The following KCTD8 variants were observed in gnomAD, a reference collection of about 807,000 sequenced individuals.
KCTD8 encodes the protein BTB/POZ domain-containing protein KCTD8.
Under a neutral mutation model 31.5 loss-of-function variants are expected in KCTD8, and 27 were observed. The ratio of observed to expected loss-of-function variants is 0.86; its 90% CI spans 0.63 to 1.18. The LOEUF (loss-of-function observed/expected upper bound fraction) is 1.18, where lower values mean the gene tolerates loss of function less well. KCTD8 is among the 50% of genes most tolerant of loss of function. The pLI is 0.00. For synonymous variants in KCTD8, 290 were observed against 280.0 expected (o/e 1.04, Z -0.36); for missense variants, 658 against 647.7 (o/e 1.02, Z -0.17).
intron 1 of KCTD8, among the ~76,000 whole-genome samples, chr4:44,349,937 A>G (rs895082914): frequency 4.6e-5 from 7 of 152,188 alleles, no homozygotes; most frequent in Non-Finnish European, 8.8e-5. Context: ...TAGAGACCAG[A>G]GGAGAACACT....
chr4:44,341,732 G>A (rs1718902712), intron 1 of KCTD8, among the ~76,000 whole-genome samples: 1 of 152,140 alleles, frequency 6.6e-6, no homozygotes, highest in South Asian at 2.1e-4. Context: ...CTCCACTGAA[G>A]TTTTGAACCC....
At chr4:44,205,301 G>A (rs957424936) in intron 1 of KCTD8, among the ~76,000 whole-genome samples, 3 of 152,182 alleles carry the variant, frequency 2.0e-5, no homozygotes, top group Admixed American at 2.0e-4. Flanking sequence ...AATCTGGAAA[G>A]TTACATCAGT....
intron 1 of KCTD8, among the ~76,000 whole-genome samples, chr4:44,325,905 C>G (rs886083314): frequency 6.6e-6 from 1 of 151,918 alleles, no homozygotes; most frequent in African/African-American, 2.4e-5. Context: ...ATAAGATATG[C>G]TTTTCTTCTG....
chr4:44,396,571 T>C (rs1380706409), intron 1 of KCTD8, among the ~76,000 whole-genome samples: 1 of 152,076 alleles, frequency 6.6e-6, no homozygotes, highest in Non-Finnish European at 1.5e-5. Context: ...TTTTTCTCAT[T>C]AACATAAAAA....
intron 1 of KCTD8, among the ~76,000 whole-genome samples, chr4:44,386,646 C>T (rs954462681): frequency 9.9e-5 from 15 of 151,450 alleles, no homozygotes; most frequent in African/African-American, 3.6e-4. Context: ...ACACTGTTGG[C>T]GGGAATGTAA....
chr4:44,426,729 C>G (rs1269112604), intron 1 of KCTD8, among the ~76,000 whole-genome samples: 1 of 151,762 alleles, frequency 6.6e-6, no homozygotes, highest in African/African-American at 2.4e-5. Context: ...CCCAAATTCC[C>G]TAGCCGTATT....
intron 1 of KCTD8, among the ~76,000 whole-genome samples, chr4:44,373,935 A>G (rs1442339777): frequency 3.3e-5 from 5 of 152,186 alleles, no homozygotes; most frequent in Non-Finnish European, 7.3e-5. Context: ...TCATCACATT[A>G]AAAGATCGGC....
intron 1 of KCTD8, among the ~76,000 whole-genome samples, chr4:44,308,572 A>T (rs1023391057): frequency 1.7e-5 from 2 of 118,322 alleles, no homozygotes; most frequent in Admixed American, 7.8e-5. Flanking sequence ...TTTGTTTGTT[A>T]TAGATATACC....
intron 1 of KCTD8, among the ~76,000 whole-genome samples, chr4:44,382,468 T>C (rs1238976531): frequency 6.6e-6 from 1 of 152,214 alleles, no homozygotes; most frequent in East Asian, 1.9e-4. Flanking sequence ...GGCTCACAGC[T>C]GTAATCTCAC....
chr4:44,231,064 C>T (rs1306079300), intron 1 of KCTD8, among the ~76,000 whole-genome samples: 1 of 152,114 alleles, frequency 6.6e-6, no homozygotes, highest in African/African-American at 2.4e-5. Flanking sequence ...AGCAGAGATG[C>T]TAAGTGGTAA....
At chr4:44,443,201 A>C (rs751564408) in intron 1 of KCTD8, among the ~76,000 whole-genome samples, 18 of 152,238 alleles carry the variant, frequency 1.2e-4, no homozygotes, top group Non-Finnish European at 2.1e-4. Flanking sequence ...GAAAATTTTC[A>C]CATTGTAATT....
intron 1 of KCTD8, among the ~76,000 whole-genome samples, chr4:44,367,819 T>C (rs1184770479): frequency 6.6e-6 from 1 of 152,070 alleles, no homozygotes; most frequent in African/African-American, 2.4e-5. Context: ...ATACTCATGA[T>C]TTGATATAAC....
chr4:44,318,488 TA>T (rs376207203), intron 1 of KCTD8, among the ~76,000 whole-genome samples: 5 of 151,940 alleles, frequency 3.3e-5, no homozygotes, highest in East Asian at 1.9e-4. Context: ...ACGTGAAACT[TA>T]AAAAAAATGT....
At chr4:44,397,848 G>A (rs563514993) in intron 1 of KCTD8, among the ~76,000 whole-genome samples, 1 of 152,014 alleles carries the variant, frequency 6.6e-6, no homozygotes, top group Non-Finnish European at 1.5e-5. Context: ...TTTCTTTCAA[G>A]TAAAATTTAT....
intron 1 of KCTD8, among the ~76,000 whole-genome samples, chr4:44,434,680 G>A (rs185151176): frequency 6.6e-6 from 1 of 152,002 alleles, no homozygotes; most frequent in East Asian, 1.9e-4. Context: ...TCTAACTGAA[G>A]AAATCATCAG....
chr4:44,383,024 A>AT (rs551030660), intron 1 of KCTD8, among the ~76,000 whole-genome samples: 289 of 47,408 alleles, frequency 6.1e-3, no homozygotes, highest in African/African-American at 0.016. Context: ...AAACTAGCTG[A>AT]CAAAAAAAAC....
At chr4:44,410,457 T>A (rs2109463391) in intron 1 of KCTD8, among the ~76,000 whole-genome samples, 1 of 152,328 alleles carries the variant, frequency 6.6e-6, no homozygotes, top group Admixed American at 6.5e-5. Flanking sequence ...ATTTTATACT[T>A]GGGAAGATTG....
intron 1 of KCTD8, among the ~76,000 whole-genome samples, chr4:44,421,587 T>C (rs1721212848): frequency 6.6e-6 from 1 of 152,124 alleles, no homozygotes; most frequent in Non-Finnish European, 1.5e-5. Context: ...GAGTGTGACA[T>C]ATAGTGTATA....
chr4:44,253,277 GT>G (rs961767390), intron 1 of KCTD8, among the ~76,000 whole-genome samples: 6 of 151,014 alleles, frequency 4.0e-5, no homozygotes, highest in South Asian at 2.1e-4. Flanking sequence ...TCATGAGACA[GT>G]TTTTTTTTCT....
Sources: allele counts gnomAD v4.1 joint callset (sites outside exome capture counted in the v4.1 genomes callset), GRCh38; gene constraint gnomAD v4.1.1; transcripts MANE v1.5; gene names NCBI Gene and HGNC (gene_info 2026-07-23, HGNC 2026-07-21).